Variants in PRKCB observed in about 807,000 individuals in gnomAD.
The protein encoded by PRKCB is protein kinase C beta type.
PRKCB carries 13 observed loss-of-function variants against 81.5 expected under a neutral mutation model. That is an observed-to-expected ratio of 0.16 (90% confidence interval 0.10 to 0.25). The LOEUF (loss-of-function observed/expected upper bound fraction) is 0.25. Ranked by LOEUF, PRKCB falls within the 10% of genes least tolerant of loss-of-function variation. The pLI is 1.00. For missense variants in PRKCB, 509 were observed against 875.7 expected, an observed-to-expected ratio of 0.58 and a Z score of 5.29; for synonymous variants, 335 against 321.4, an observed-to-expected ratio of 1.04 and a Z score of -0.45.
chr16:23,909,334 G>A (rs959709589), intron 2 of PRKCB, among the ~76,000 whole-genome samples: 2 of 152,190 alleles, frequency 1.3e-5, no homozygotes, highest in Non-Finnish European at 2.9e-5. Flanking sequence ...TGACGGAAAT[G>A]TATTTTCTCA....
chr16:24,124,980 C>G (rs1966840285), intron 9 of PRKCB, among the ~76,000 whole-genome samples: 1 of 152,174 alleles, frequency 6.6e-6, no homozygotes, highest in Non-Finnish European at 1.5e-5. Context: ...ATTAATATCA[C>G]CTGGATAACT....
intron 3 of PRKCB, among the ~76,000 whole-genome samples, chr16:24,030,411 TGGGGA>T (rs1965536596): frequency 6.6e-6 from 1 of 152,026 alleles, no homozygotes. Context: ...GGGGCTTAGC[TGGGGA>T]TCACCTTGGC....
chr16:24,154,705 G>T lies in PRKCB; in HGVS notation c.1087G>T (p.Gly363Cys). 6.2e-7 allele frequency: 1 copy of T among 1,614,116 alleles called. No individual in the cohort carries two copies. The stretch of plus-strand genomic sequence containing the variant: ...CCAGGTCATGCTTTCAGAACGAAAA[G>T]GCACAGATGAGCTCTATGCTGTGAA... ...FGKVMLSERK[G>C]TDELYAVKIL... The change falls in exon 10 of 17, where the codon GGC becomes TGC. Residue 363 changes from glycine to cysteine, a missense_variant. Physicochemically the swap from Gly to Cys is radical, Grantham distance 159. This residue lies in a region of PRKCB where 80 missense variants were observed against 89.4 expected (regional missense o/e 0.90). Transcript: ENST00000643927.
At chr16:23,983,522 T>C (rs1964765137) in intron 2 of PRKCB, among the ~76,000 whole-genome samples, 2 of 152,332 alleles carry the variant, frequency 1.3e-5, no homozygotes, top group South Asian at 4.1e-4. Context: ...AGGAGCTACA[T>C]CTACCATGAA....
chr16:23,941,159 T>C (rs1964136616), intron 2 of PRKCB, among the ~76,000 whole-genome samples: 4 of 152,222 alleles, frequency 2.6e-5, no homozygotes, highest in Admixed American at 1.3e-4. Context: ...GCTACTATTG[T>C]AGCATGAAGG....
chr16:24,021,040 C>CTT (rs1256784385), intron 3 of PRKCB, among the ~76,000 whole-genome samples: 894 of 72,096 alleles, frequency 0.012, 18 homozygotes, highest in African/African-American at 0.029. Flanking sequence ...TTCTTTCTTT[C>CTT]TCTTTCTTTC....
chr16:23,840,243 A>G (rs969221055), intron 2 of PRKCB, among the ~76,000 whole-genome samples: 1 of 152,190 alleles, frequency 6.6e-6, no homozygotes, highest in East Asian at 1.9e-4. Context: ...GATGGAATCA[A>G]CAGTTTATAC....
intron 3 of PRKCB, among the ~76,000 whole-genome samples, chr16:23,994,045 T>C (rs963682615): frequency 3.9e-5 from 6 of 152,222 alleles, no homozygotes; most frequent in Non-Finnish European, 8.8e-5. Flanking sequence ...AAAGCGATTA[T>C]ACTGCTAAAA....
chr16:23,867,686 A>G (rs1962831909), intron 2 of PRKCB, among the ~76,000 whole-genome samples: 1 of 152,196 alleles, frequency 6.6e-6, no homozygotes, highest in Non-Finnish European at 1.5e-5. Flanking sequence ...CTTGAAGCCT[A>G]ACAAAGTGTT....
chr16:24,150,068 C>G (rs866398212), intron 9 of PRKCB, among the ~76,000 whole-genome samples: 3 of 152,216 alleles, frequency 2.0e-5, no homozygotes, highest in East Asian at 3.9e-4. Flanking sequence ...TGGTGGCTTA[C>G]GCCTGTAATC....
chr16:24,189,566 C>G (rs926728045), intron 15 of PRKCB, among the ~76,000 whole-genome samples: 1 of 148,062 alleles, frequency 6.8e-6, no homozygotes, highest in Non-Finnish European at 1.5e-5. Context: ...GGCGTGAACC[C>G]GGGAGGTGGA....
intron 9 of PRKCB, among the ~76,000 whole-genome samples, chr16:24,128,395 G>A (rs1966848242): frequency 6.8e-6 from 1 of 147,820 alleles, no homozygotes; most frequent in African/African-American, 2.7e-5. Context: ...AACAACAACA[G>A]CCCCACTAAT....
At chr16:23,996,264 C>T (rs754168693) in intron 3 of PRKCB, among the ~76,000 whole-genome samples, 4 of 152,126 alleles carry the variant, frequency 2.6e-5, no homozygotes, top group East Asian at 1.9e-4. Context: ...TAGAATGACC[C>T]GTTCTTTGGA....
chr16:24,164,102 G>A (rs1370675351), intron 10 of PRKCB, among the ~76,000 whole-genome samples: 1 of 152,178 alleles, frequency 6.6e-6, no homozygotes, highest in East Asian at 1.9e-4. Flanking sequence ...AGCTGCCCAC[G>A]TGGTCGGTTT....
chr16:24,195,066 G>C (rs1967858892), intron 16 of PRKCB, among the ~76,000 whole-genome samples: 1 of 152,054 alleles, frequency 6.6e-6, no homozygotes, highest in African/African-American at 2.4e-5. Context: ...TGGTGGGCGT[G>C]ATAGCATCCA....
chr16:24,185,056 T>C (rs1232697316), intron 13 of PRKCB, 55 bp from the exon 14 acceptor site: 2 of 1,427,994 alleles, frequency 1.4e-6, no homozygotes, highest in East Asian at 4.6e-5. Flanking sequence ...GAAATCTGTC[T>C]CCAGAAGAAA....
intron 3 of PRKCB, among the ~76,000 whole-genome samples, chr16:24,011,888 A>C (rs1215962063): frequency 6.6e-6 from 1 of 152,194 alleles, no homozygotes; most frequent in Admixed American, 6.5e-5. Flanking sequence ...GTATTAAATA[A>C]GTTAACCTAT....
At chr16:24,091,578 T>A (rs1176159961) in intron 5 of PRKCB, among the ~76,000 whole-genome samples, 1 of 152,220 alleles carries the variant, frequency 6.6e-6, no homozygotes, top group Non-Finnish European at 1.5e-5. Context: ...CAGTTGCATC[T>A]TCACTGCTGA....
intron 2 of PRKCB, among the ~76,000 whole-genome samples, chr16:23,969,799 T>C (rs1030316627): frequency 2.2e-4 from 33 of 152,200 alleles, no homozygotes; most frequent in African/African-American, 7.7e-4. Flanking sequence ...TCTCGGGAAC[T>C]TCATTGATCA....
Sources: gnomAD v4.1 joint callset for allele counts (sites outside exome capture counted in the v4.1 genomes callset) on GRCh38, gnomAD v4.1.1 for gene constraint, gnomAD v4.1.1 regional missense constraint, MANE v1.5 for transcripts, NCBI Gene and HGNC (gene_info 2026-07-23, HGNC 2026-07-21) for gene names.